LRMDA: variants seen among roughly 807,000 people sequenced by gnomAD.
LRMDA encodes leucine rich melanocyte differentiation associated, also known as leucine-rich melanocyte differentiation-associated protein.
LRMDA carries 18 observed loss-of-function variants against 29.8 expected under a neutral mutation model. The observed-to-expected ratio is 0.60, with a 90% CI of 0.42 to 0.90. The LOEUF is 0.90. LRMDA is among the 40% of genes least tolerant of loss of function. The pLI is 0.00. For synonymous variants in LRMDA, 125 were observed against 109.4 expected (o/e 1.14, Z -0.89); for missense variants, 273 against 273.9 (o/e 1.00, Z 0.02).
rs368238457 is a variant in LRMDA, at chr10:76,343,660, G to C, written c.601+19175G>C. On this transcript the variant is annotated intron_variant, in intron 6 of 6. Coordinates refer to ENST00000611255, the MANE Select transcript of LRMDA (RefSeq NM_001305581.2). ...CCAAAAGCCAACATCAAACTTAGAGGCGTTCCTGTGAAAGTAAGGACAAAA... is the reference window on the plus strand; with the variant it reads ...CCAAAAGCCAACATCAAACTTAGAGCCGTTCCTGTGAAAGTAAGGACAAAA... Among the ~76,000 whole-genome samples the C allele has an allele frequency of 3.2e-4, 48 of 152,064 alleles. No individual in the cohort carries two copies. In the East Asian group the frequency reaches 7.7e-3, roughly 25 times the overall value.
chr10:76,245,182 G>A (rs1292633136), intron 5 of LRMDA, among the ~76,000 whole-genome samples: 3 of 152,146 alleles, frequency 2.0e-5, no homozygotes, highest in Non-Finnish European at 2.9e-5. Context: ...AATATTGGAT[G>A]TTCTCTTATA....
At chr10:75,499,603 A>G (rs1253325370) in intron 2 of LRMDA, among the ~76,000 whole-genome samples, 1 of 152,218 alleles carries the variant, frequency 6.6e-6, no homozygotes, top group African/African-American at 2.4e-5. Flanking sequence ...ACTGCTGGCT[A>G]CTGTGGTTAT....
rs541828693 is a variant in LRMDA at position 76,283,829 on chromosome 10, T to C, written c.517-40572T>C. ...GTTCTTTGCCACTGTGTTTCACTGCTTTTCTTTTTCTTTTTAAATGGAGAG... is the reference window on the plus strand; with the variant it reads ...GTTCTTTGCCACTGTGTTTCACTGCCTTTCTTTTTCTTTTTAAATGGAGAG... On this transcript the variant is annotated intron_variant, in intron 5 of 6. Coordinates refer to ENST00000611255, the MANE Select transcript of LRMDA (RefSeq NM_001305581.2). 3.3e-5 allele frequency among the ~76,000 whole-genome samples: 5 copies of C among 152,246 alleles called. No individual in the cohort carries two copies. The East Asian group carries it at 9.7e-4, about 30-fold the overall frequency.
chr10:76,473,705 C>T, intron 6 of LRMDA, among the ~76,000 whole-genome samples: 1 of 151,232 alleles, frequency 6.6e-6, no homozygotes, highest in Non-Finnish European at 1.5e-5. Context: ...TAGAAACATC[C>T]ATCGTAATTG....
At chr10:75,652,146 A>G (rs1239523639) in intron 2 of LRMDA, among the ~76,000 whole-genome samples, 2 of 151,936 alleles carry the variant, frequency 1.3e-5, no homozygotes, top group Non-Finnish European at 2.9e-5. Flanking sequence ...TAATTTTAAA[A>G]AATTCATTGC....
intron 2 of LRMDA, among the ~76,000 whole-genome samples, chr10:75,666,084 A>T (rs1841818072): frequency 1.3e-5 from 2 of 152,152 alleles, no homozygotes; most frequent in Non-Finnish European, 1.5e-5. Flanking sequence ...TACCTGATTT[A>T]AAAAAATTTG....
At chr10:76,262,120 T>A (rs1564703929) in intron 5 of LRMDA, among the ~76,000 whole-genome samples, 1 of 152,154 alleles carries the variant, frequency 6.6e-6, no homozygotes, top group Non-Finnish European at 1.5e-5. Context: ...ACACTGGTAG[T>A]CCCAGCTACC....
chr10:76,051,438 A>G (rs529246653), intron 4 of LRMDA, among the ~76,000 whole-genome samples: 6 of 152,306 alleles, frequency 3.9e-5, no homozygotes, highest in Admixed American at 2.6e-4. Flanking sequence ...GCATTCATGA[A>G]TGCTGTAGGT....
At chr10:76,551,410 A>C (rs1843492892) in intron 6 of LRMDA, among the ~76,000 whole-genome samples, 1 of 152,216 alleles carries the variant, frequency 6.6e-6, no homozygotes, top group African/African-American at 2.4e-5. Flanking sequence ...TATGTACATG[A>C]TTATTTTAAT....
At chr10:75,581,107 G>T (rs1244420373) in intron 2 of LRMDA, among the ~76,000 whole-genome samples, 2 of 152,148 alleles carry the variant, frequency 1.3e-5, no homozygotes, top group Non-Finnish European at 2.9e-5. Context: ...CACAGGAAAA[G>T]AAACTATTAT....
chr10:75,688,677 G>A (rs7899719), intron 2 of LRMDA, among the ~76,000 whole-genome samples: 20,131 of 152,194 alleles, frequency 0.13, 3,227 homozygotes, highest in African/African-American at 0.36. Flanking sequence ...TCTACTGTGG[G>A]TGAAATACTA....
chr10:75,692,208 G>GAAAA (rs528945539), intron 2 of LRMDA, among the ~76,000 whole-genome samples: 4 of 61,108 alleles, frequency 6.5e-5, no homozygotes, highest in African/African-American at 3.1e-4. Context: ...TCTCTGGGGG[G>GAAAA]AAAAAAAAAA....
chr10:75,660,818 C>T (rs1841742906), intron 2 of LRMDA, among the ~76,000 whole-genome samples: 1 of 151,686 alleles, frequency 6.6e-6, no homozygotes. Context: ...AAGAAAAAAA[C>T]CCTTTTCCAT....
chr10:75,568,946 A>G (rs897637517), intron 2 of LRMDA, among the ~76,000 whole-genome samples: 2 of 152,182 alleles, frequency 1.3e-5, no homozygotes, highest in Admixed American at 1.3e-4. Context: ...CTCTTGGATG[A>G]ATGTGGGCTT....
At chr10:75,857,948 T>G (rs762545289) in intron 2 of LRMDA, among the ~76,000 whole-genome samples, 24 of 152,256 alleles carry the variant, frequency 1.6e-4, no homozygotes, top group Non-Finnish European at 2.2e-4. Context: ...TTGTGTAGTT[T>G]CATGGAGATT....
chr10:76,009,549 C>T (rs1218969386), intron 2 of LRMDA, among the ~76,000 whole-genome samples: 1 of 152,138 alleles, frequency 6.6e-6, no homozygotes, highest in Non-Finnish European at 1.5e-5. Context: ...GAGCTCGCAA[C>T]CTTGCTCTAG....
chr10:76,170,080 A>G (rs1473041234), intron 5 of LRMDA, among the ~76,000 whole-genome samples: 1 of 152,190 alleles, frequency 6.6e-6, no homozygotes, highest in African/African-American at 2.4e-5. Flanking sequence ...CAGTTGTTTA[A>G]AAGATTCTGG....
chr10:75,470,757 C>T (rs986629981), intron 2 of LRMDA, among the ~76,000 whole-genome samples: 14 of 152,176 alleles, frequency 9.2e-5, no homozygotes, highest in Non-Finnish European at 1.5e-4. Flanking sequence ...GGAACAGTCA[C>T]GTCCCAGGGT....
At chr10:76,380,972 C>T (rs1223983366) in intron 6 of LRMDA, among the ~76,000 whole-genome samples, 1 of 147,350 alleles carries the variant, frequency 6.8e-6, no homozygotes, top group Non-Finnish European at 1.5e-5. Context: ...TGTTAAAATA[C>T]TAATGTATGT....
Sources: allele counts gnomAD v4.1 joint callset (sites outside exome capture counted in the v4.1 genomes callset), GRCh38; gene constraint gnomAD v4.1.1; transcripts MANE v1.5; gene names NCBI Gene and HGNC (gene_info 2026-07-23, HGNC 2026-07-21).